Variants in SCN7A observed in about 807,000 individuals in gnomAD.
SCN7A encodes sodium channel protein type 7 subunit alpha.
In SCN7A, 138 loss-of-function variants were observed where a neutral mutation model predicts 155.2. The observed-to-expected ratio is 0.89, with a 90% CI of 0.77 to 1.02. The LOEUF (loss-of-function observed/expected upper bound fraction) is 1.02. SCN7A is among the 50% of genes least tolerant of loss of function. SCN7A has a pLI of 0.00. For synonymous variants in SCN7A, 693 were observed against 649.0 expected (o/e 1.07, Z -1.03); for missense variants, 2,058 against 1,986.6 (o/e 1.04, Z -0.68).
intron 25 of SCN7A, among the ~76,000 whole-genome samples, chr2:166,409,172 A>G (rs1001292864): frequency 2.0e-5 from 3 of 152,176 alleles, no homozygotes; most frequent in African/African-American, 7.2e-5. Flanking sequence ...AAAGAGAATT[A>G]TCAAGTGTAT....
chr2:166,408,501 T>C (rs191901656), intron 25 of SCN7A, among the ~76,000 whole-genome samples: 5 of 152,162 alleles, frequency 3.3e-5, no homozygotes, highest in Non-Finnish European at 7.4e-5. Flanking sequence ...TGACTGCAAT[T>C]GCTTTTCCTT....
intron 1 of SCN7A, among the ~76,000 whole-genome samples, chr2:166,492,853 G>A (rs908145075): frequency 6.6e-6 from 1 of 152,102 alleles, no homozygotes; most frequent in Non-Finnish European, 1.5e-5. Flanking sequence ...GGACTTTTTG[G>A]AGTGTCATTT....
Position 166,463,130 on chromosome 2 carries a change from T to C in SCN7A, c.942-600A>G, listed in dbSNP as rs115633027. ...CTTCATGTAAAGCCCTTAGAACCCA[T>C]TATTTAAGGGTGAGAAAACATTTAT... is the stretch of plus-strand genomic sequence containing the variant. On this transcript the variant is annotated intron_variant, in intron 9 of 25. Transcript: ENST00000643258. 3.1e-3 allele frequency among the ~76,000 whole-genome samples: 469 copies of C among 152,286 alleles called. 3 individuals carry two copies. The highest frequency in any genetic ancestry group is 0.011 in the African/African-American group (450 of 41,562).
Position 166,416,781 on chromosome 2 carries a change from C to G in SCN7A, c.3340G>C (p.Glu1114Gln), listed in dbSNP as rs375736846. Reference protein sequence around the residue: ...KSRCESLLFNESMLWENAKMN... With the variant: ...KSRCESLLFNQSMLWENAKMN... ...TTTGCATTTTCCCATAGCATGGATT[C>G]GTTAAACAGAAGGCTTTCACACCGA... Residue 1114 changes from glutamate (E) to glutamine (Q), a missense_variant, in exon 21 of 26, where the codon GAA (glutamate) becomes CAA (glutamine). Coordinates refer to ENST00000643258, the MANE Select transcript of SCN7A (RefSeq NM_002976.4). The G allele has an allele frequency of 6.2e-7, 1 of 1,613,204 alleles. No individual in the cohort carries two copies. Among genetic ancestry groups the G allele is most frequent in the East Asian group, 2.2e-5 (1 of 44,776 alleles).
chr2:166,475,938 C>T (rs1432822893), intron 3 of SCN7A, among the ~76,000 whole-genome samples: 6 of 151,872 alleles, frequency 4.0e-5, no homozygotes, highest in Non-Finnish European at 8.8e-5. Flanking sequence ...TTGGTTTTGT[C>T]TTCAATAACA....
At chr2:166,463,453 T>G (rs537066773) in intron 9 of SCN7A, among the ~76,000 whole-genome samples, 2 of 152,328 alleles carry the variant, frequency 1.3e-5, no homozygotes, top group East Asian at 3.9e-4. Context: ...CCATACTATC[T>G]GAGCAAATGA....
intron 7 of SCN7A, among the ~76,000 whole-genome samples, chr2:166,467,225 A>G (rs2105488957): frequency 6.6e-6 from 1 of 151,994 alleles, no homozygotes; most frequent in East Asian, 1.9e-4. Flanking sequence ...CTTCACTAGA[A>G]CTGGAACATT....
At position 166,409,715 on chromosome 2, in the gene SCN7A, G is replaced by T. The variant is rs757046481; in HGVS notation, c.3932C>A (p.Thr1311Asn). 1.3e-6 allele frequency: 2 copies of T among 1,542,928 alleles called. No homozygotes were observed. The highest frequency in any genetic ancestry group is 1.4e-5 in the African/African-American group (1 of 72,810). ...AAAATCAAAAATGTTCCACGCAATG[G>T]TGAAATAAAAACAACGGAAAGCGAT... ...KLIAFRCFYF[T>N]IAWNIFDFMV... The change falls in exon 25 of 26, where the codon ACC (threonine) becomes AAC (asparagine). Residue 1311 changes from threonine (T) to asparagine (N), a missense_variant. Transcript: ENST00000643258.
chr2:166,455,922 T>C (rs543381964), intron 11 of SCN7A, among the ~76,000 whole-genome samples: 1 of 152,298 alleles, frequency 6.6e-6, no homozygotes, highest in South Asian at 2.1e-4. Flanking sequence ...ATAAGCTTTT[T>C]AATGTGCTGC....
chr2:166,474,992 G>C (rs1282837888), intron 3 of SCN7A, among the ~76,000 whole-genome samples: 1 of 148,838 alleles, frequency 6.7e-6, no homozygotes, highest in East Asian at 2.0e-4. Flanking sequence ...ATATCTATGT[G>C]TACATGCTTG....
intron 2 of SCN7A, among the ~76,000 whole-genome samples, chr2:166,478,802 CTA>C (rs1268989178): frequency 6.6e-6 from 1 of 151,944 alleles, no homozygotes; most frequent in African/African-American, 2.4e-5. Flanking sequence ...TATTTCAACT[CTA>C]GTCTTTACCT....
Position 166,406,531 on chromosome 2 carries a change from A to G in SCN7A, c.4098T>C (p.Phe1366=). Residue 1366 remains phenylalanine (F), a synonymous_variant, in exon 26 of 26, where the codon TTT becomes TTC. Transcript: ENST00000643258. ...MLRLGKGPKV[F]HNLMLPLMLS... ...GCATCAAAGGAAGCATCAGATTATG[A>G]AACACCTTTGGTCCTTTTCCAAGAC... 1.2e-6 allele frequency: 2 copies of G among 1,612,930 alleles called. No homozygotes were observed. Among genetic ancestry groups the G allele is most frequent in the Non-Finnish European group, 1.7e-6 (2 of 1,179,306 alleles).
chr2:166,413,081 A>G lies in SCN7A; in HGVS notation c.3455T>C (p.Ile1152Thr), dbSNP rs1278791163. ...TATTATACTTACAGCAACAGAATCA[A>G]TTGCTGAATTCATAATAGTGATCCA... ...NGWITIMNSA[I>T]DSVAVNIQPH... Residue 1152 changes from isoleucine (I) to threonine (T), a missense_variant, in exon 22 of 26, where the codon ATT (isoleucine) becomes ACT (threonine). By Grantham distance (89) the Ile-to-Thr change is moderately conservative. Transcript: ENST00000643258. The G allele has an allele frequency of 3.9e-6, 6 of 1,531,272 alleles. No individual in the cohort carries two copies. Among genetic ancestry groups the G allele is most frequent in the Non-Finnish European group, 5.3e-6 (6 of 1,137,768 alleles). 94.9% of individuals were successfully genotyped at this position (1,531,272 alleles called of 1,614,324 possible).
At chr2:166,481,196 T>C (rs1702917836) in intron 2 of SCN7A, among the ~76,000 whole-genome samples, 1 of 152,204 alleles carries the variant, frequency 6.6e-6, no homozygotes, top group South Asian at 2.1e-4. Flanking sequence ...CTGAACTCTG[T>C]GACTAATGTT....
chr2:166,411,920 T>G (rs560316802), intron 23 of SCN7A, among the ~76,000 whole-genome samples: 1 of 152,180 alleles, frequency 6.6e-6, no homozygotes, highest in East Asian at 1.9e-4. Context: ...AGAGATTAGG[T>G]GCCTGTGTAA....
In SCN7A at chr2:166,439,055, G is replaced by GTGTGTATATA. The variant is rs375208870; in HGVS notation, c.2157+2340_2157+2341insTATATACACA. ...CACATACATATATGTGTGTGTGTGTGTATATATATATATATATATATATAG... is the reference window on the plus strand; with the variant it reads ...CACATACATATATGTGTGTGTGTGTGTGTGTATATATATATATATATATATATATATATAG... On this transcript the variant is annotated intron_variant, in intron 15 of 25. Transcript: ENST00000643258. Among the ~76,000 whole-genome samples the GTGTGTATATA allele has an allele frequency of 6.6e-3, 744 of 113,356 alleles. 9 individuals carry two copies. Among genetic ancestry groups the GTGTGTATATA allele is most frequent in the African/African-American group, 0.02 (529 of 26,588 alleles). 74.4% of individuals were successfully genotyped at this position (113,356 alleles called of 152,430 possible). A position where few individuals can be genotyped will look rare whatever the true frequency, so the allele number is the denominator to read the frequency against.
chr2:166,414,109 A>ATATGTAAATATATG (rs1251394807), intron 21 of SCN7A, among the ~76,000 whole-genome samples: 1 of 84,942 alleles, frequency 1.2e-5, no homozygotes, highest in Admixed American at 1.9e-4. Context: ...TATATTATAT[A>ATATGTAAATATATG]TAAATATATA....
intron 16 of SCN7A, among the ~76,000 whole-genome samples, chr2:166,430,241 G>A (rs1186494717): frequency 2.0e-5 from 3 of 151,914 alleles, no homozygotes; most frequent in African/African-American, 7.2e-5. Flanking sequence ...AAGTGTCAAG[G>A]AAATATAATT....
intron 11 of SCN7A, among the ~76,000 whole-genome samples, chr2:166,451,996 C>A (rs1257628476): frequency 6.6e-6 from 1 of 151,920 alleles, no homozygotes; most frequent in Non-Finnish European, 1.5e-5. Context: ...AATCACAACA[C>A]CATTATCACA....
Sources: allele counts gnomAD v4.1 joint callset (sites outside exome capture counted in the v4.1 genomes callset), GRCh38; gene constraint gnomAD v4.1.1; transcripts MANE v1.5; gene names NCBI Gene and HGNC (gene_info 2026-07-23, HGNC 2026-07-21).